Variants in ABCC4 observed in about 807,000 individuals in gnomAD.
ABCC4 encodes the protein ATP binding cassette subfamily C member 4 (PEL blood group), also known as ATP-binding cassette sub-family C member 4.
In ABCC4, 102 loss-of-function variants were observed where a neutral mutation model predicts 168.5. The ratio of observed to expected loss-of-function variants is 0.61; its 90% CI spans 0.52 to 0.71. ABCC4 has a LOEUF of 0.71. Among genes scored for constraint, ABCC4 ranks in the 30% least tolerant of loss-of-function variants. The pLI is 0.00. For synonymous variants in ABCC4, 617 were observed against 590.7 expected, an observed-to-expected ratio of 1.04 and a Z score of -0.65; for missense variants, 1,402 against 1,605.8, an observed-to-expected ratio of 0.87 and a Z score of 2.17.
At chr13:95,077,233 T>C (rs533884402) in intron 21 of ABCC4, among the ~76,000 whole-genome samples, 2 of 152,244 alleles carry the variant, frequency 1.3e-5, no homozygotes, top group Non-Finnish European at 2.9e-5. Flanking sequence ...AGATAAATGA[T>C]TTGTGCTTTG....
At position 95,054,020 on chromosome 13, in the gene ABCC4, C is replaced by CTT. The variant is rs1566375296; in HGVS notation, c.3367-837_3367-836insAA. The CTT allele has an allele frequency of 6.6e-4, 48 of 73,186 alleles. 10 individuals are homozygous for CTT. The highest frequency in any genetic ancestry group is 9.4e-4 in the Non-Finnish European group (39 of 41,460). 4.5% of individuals were successfully genotyped at this position (73,186 alleles called of 1,614,324 possible). A position where few individuals can be genotyped will look rare whatever the true frequency, so the allele number is the denominator to read the frequency against. On this transcript the variant is annotated intron_variant, in intron 26 of 30. Coordinates refer to ENST00000645237, the MANE Select transcript of ABCC4 (RefSeq NM_005845.5). ...TCTCTCCAATGTCAGAATGGGACAT[C>CTT]CTTTTTTTTTTTTTTTTTTTTTTTT...
intron 19 of ABCC4, among the ~76,000 whole-genome samples, chr13:95,144,554 C>T (rs1356559698): frequency 6.6e-6 from 1 of 152,128 alleles, no homozygotes; most frequent in South Asian, 2.1e-4. Flanking sequence ...AGCAAAGTTA[C>T]GGGATACAAA....
At chr13:95,293,669 G>A (rs1328117653) in intron 1 of ABCC4, among the ~76,000 whole-genome samples, 3 of 151,824 alleles carry the variant, frequency 2.0e-5, no homozygotes, top group Admixed American at 1.3e-4. Context: ...GTTTCATTAC[G>A]TTGGCCAGGC....
chr13:95,259,799 T>C (rs2040483981), intron 1 of ABCC4, among the ~76,000 whole-genome samples: 2 of 151,226 alleles, frequency 1.3e-5, no homozygotes, highest in Admixed American at 6.6e-5. Flanking sequence ...GTTCAAGGCA[T>C]CTATGTTAAC....
intron 25 of ABCC4, among the ~76,000 whole-genome samples, chr13:95,068,229 C>G (rs2033612227): frequency 6.6e-6 from 1 of 152,170 alleles, no homozygotes; most frequent in Admixed American, 6.5e-5. Flanking sequence ...AGGAGACGAA[C>G]CCTGAATATA....
chr13:95,048,708 C>A (rs2032698412), intron 27 of ABCC4, among the ~76,000 whole-genome samples: 1 of 152,198 alleles, frequency 6.6e-6, no homozygotes, highest in African/African-American at 2.4e-5. Context: ...TGTATTCTAA[C>A]AGCAATTCTA....
In ABCC4 at chr13:95,207,749, A is replaced by T. The variant is rs745580151; in HGVS notation, c.911+51T>A. 1.9e-6 allele frequency: 3 copies of T among 1,570,254 alleles called. No homozygotes were observed. In the Admixed American group the frequency reaches 5.6e-5, roughly 29 times the overall value. On this transcript the variant is annotated intron_variant, in intron 7 of 30. Coordinates refer to ENST00000645237, the MANE Select transcript of ABCC4 (RefSeq NM_005845.5). ...AAAACTTCTAAAACCATCAACAAGA[A>T]TAGCAAATAGAAAAATACAAAAATA...
chr13:95,240,259 G>A (rs1029534661), intron 3 of ABCC4, among the ~76,000 whole-genome samples: 6 of 152,198 alleles, frequency 3.9e-5, no homozygotes, highest in East Asian at 1.9e-4. Context: ...AAGTACACAC[G>A]CGGCTGGGCG....
intron 13 of ABCC4, among the ~76,000 whole-genome samples, chr13:95,172,362 A>G (rs955586158): frequency 3.9e-5 from 6 of 152,116 alleles, no homozygotes; most frequent in African/African-American, 1.4e-4. Flanking sequence ...CAGACAGATC[A>G]CTTGAGGTCG....
chr13:95,290,598 G>C (rs2041372154), intron 1 of ABCC4, among the ~76,000 whole-genome samples: 1 of 151,276 alleles, frequency 6.6e-6, no homozygotes, highest in African/African-American at 2.4e-5. Flanking sequence ...CCAGCTACTG[G>C]GGAGGCTGAG....
chr13:95,208,604 ATTTCTTT>A (rs2038854570), intron 6 of ABCC4, among the ~76,000 whole-genome samples: 1 of 89,516 alleles, frequency 1.1e-5, no homozygotes. Context: ...CAAAAGCTGT[ATTTCTTT>A]TTTTTTTTTT....
chr13:95,133,405 C>T (rs536537901), intron 19 of ABCC4, among the ~76,000 whole-genome samples: 2 of 152,252 alleles, frequency 1.3e-5, no homozygotes, highest in South Asian at 2.1e-4. Context: ...TGAGCCACCA[C>T]ACCCAGTCCC....
intron 19 of ABCC4, among the ~76,000 whole-genome samples, chr13:95,136,955 A>G (rs189514306): frequency 6.6e-6 from 1 of 152,370 alleles, no homozygotes; most frequent in East Asian, 1.9e-4. Context: ...GAGTTGGGCC[A>G]GGGATAGAGT....
chr13:95,047,527 T>G (rs1266865132), intron 27 of ABCC4, among the ~76,000 whole-genome samples: 1 of 128,220 alleles, frequency 7.8e-6, no homozygotes, highest in Non-Finnish European at 1.6e-5. Flanking sequence ...TCACCCAGGT[T>G]GGAGTGCAGT....
At chr13:95,196,515 C>T (rs1034207612) in intron 8 of ABCC4, among the ~76,000 whole-genome samples, 2 of 149,896 alleles carry the variant, frequency 1.3e-5, no homozygotes, top group Non-Finnish European at 3.0e-5. Context: ...CCTCATTGCA[C>T]TCCAGCCTGG....
At chr13:95,175,349 G>A (rs932302845) in intron 13 of ABCC4, among the ~76,000 whole-genome samples, 7 of 151,750 alleles carry the variant, frequency 4.6e-5, no homozygotes, top group South Asian at 2.1e-4. Context: ...AATCTCACTC[G>A]TCATCCAGGC....
chr13:95,115,853 T>A (rs552906717), intron 20 of ABCC4, 69 bp downstream of exon 20: 353 of 1,362,012 alleles, frequency 2.6e-4, no homozygotes, highest in Middle Eastern at 5.5e-4. Flanking sequence ...CCAGACCCCA[T>A]GAAAAGGGCT....
intron 3 of ABCC4, among the ~76,000 whole-genome samples, chr13:95,242,892 A>G (rs1396725749): frequency 6.6e-6 from 1 of 152,200 alleles, no homozygotes; most frequent in Non-Finnish European, 1.5e-5. Context: ...AAAAAAATCC[A>G]AGGATTACTT....
At chr13:95,199,038 A>T (rs963498991) in intron 8 of ABCC4, among the ~76,000 whole-genome samples, 2 of 152,190 alleles carry the variant, frequency 1.3e-5, no homozygotes, top group Non-Finnish European at 2.9e-5. Flanking sequence ...TGATGGGTTG[A>T]TGGGTGCAGC....
Sources: allele counts gnomAD v4.1 joint callset (sites outside exome capture counted in the v4.1 genomes callset), GRCh38; gene constraint gnomAD v4.1.1; transcripts MANE v1.5; gene names NCBI Gene and HGNC (gene_info 2026-07-23, HGNC 2026-07-21).